The following MYOM2 variants were observed in gnomAD, a reference collection of about 807,000 sequenced individuals.
The protein encoded by MYOM2 is myomesin 2.
MYOM2 carries 254 observed loss-of-function variants against 187.6 expected under a neutral mutation model. The observed-to-expected ratio is 1.35, with a 90% CI of 1.22 to 1.50. MYOM2 has a LOEUF of 1.50. Ranked by LOEUF, MYOM2 falls within the 40% of genes most tolerant of loss-of-function variation. The pLI is 0.00. For synonymous variants in MYOM2, 981 were observed against 753.8 expected (o/e 1.30, Z -4.94); for missense variants, 2,796 against 1,924.0 (o/e 1.45, Z -8.48).
At chr8:2,083,147 T>A (rs1350560161) in intron 13 of MYOM2, among the ~76,000 whole-genome samples, 1 of 152,234 alleles carries the variant, frequency 6.6e-6, no homozygotes, top group East Asian at 1.9e-4. Context: ...ATATTAATAA[T>A]GCATATAACA....
At chr8:2,122,318 T>C (rs1585944120) in intron 28 of MYOM2, among the ~76,000 whole-genome samples, 1 of 152,184 alleles carries the variant, frequency 6.6e-6, no homozygotes, top group Non-Finnish European at 1.5e-5. Context: ...ATACCTTCCA[T>C]CTATGTATTC....
chr8:2,073,330 CT>C lies in MYOM2; in HGVS notation c.959-8del. ...TGGATGCAAACCTTCCGTGTTAACGCTCTTTCAGACGTGCTGTTGAAAGAGT... is the reference window on the plus strand; with the variant it reads ...TGGATGCAAACCTTCCGTGTTAACGCCTTTCAGACGTGCTGTTGAAAGAGT... On this transcript the variant is annotated splice_region_variant and splice_polypyrimidine_tract_variant and intron_variant, in intron 9 of 36. Coordinates refer to ENST00000262113, the MANE Select transcript of MYOM2 (RefSeq NM_003970.4). 1 of 1,598,336 alleles carries C rather than the reference CT, an allele frequency of 6.3e-7. No homozygotes were observed. The highest frequency in any genetic ancestry group is 8.5e-7 in the Non-Finnish European group (1 of 1,170,454).
intron 32 of MYOM2, among the ~76,000 whole-genome samples, chr8:2,135,017 C>T (rs1798019543): frequency 2.6e-5 from 4 of 152,306 alleles, no homozygotes; most frequent in Admixed American, 2.0e-4. Flanking sequence ...TCCACTTCTG[C>T]ATCTCACCGT....
At chr8:2,068,376 G>T (rs1269831778) in intron 6 of MYOM2, among the ~76,000 whole-genome samples, 1 of 149,150 alleles carries the variant, frequency 6.7e-6, no homozygotes, top group Non-Finnish European at 1.5e-5. Context: ...CAGGCGGAGA[G>T]CATCCTGGGG....
At chr8:2,071,393 T>C (rs1307294364) in intron 8 of MYOM2, among the ~76,000 whole-genome samples, 1 of 152,184 alleles carries the variant, frequency 6.6e-6, no homozygotes, top group Non-Finnish European at 1.5e-5. Context: ...TCCTGACATG[T>C]ATGTACTTCT....
chr8:2,137,077 A>G (rs1798102703), intron 32 of MYOM2, among the ~76,000 whole-genome samples: 1 of 151,494 alleles, frequency 6.6e-6, no homozygotes, highest in Non-Finnish European at 1.5e-5. Context: ...TTTCTCACAC[A>G]CACACATATA....
chr8:2,127,997 T>C (rs2116876419), intron 31 of MYOM2: 1 of 152,382 alleles, frequency 6.6e-6, no homozygotes, highest in Non-Finnish European at 1.5e-5. Context: ...GAGTCACAAA[T>C]ACCGTTCATG....
intron 10 of MYOM2, among the ~76,000 whole-genome samples, chr8:2,074,937 G>T (rs1254082913): frequency 2.0e-5 from 3 of 152,184 alleles, no homozygotes; most frequent in Non-Finnish European, 4.4e-5. Context: ...CCGGGCTCCC[G>T]GCTCCATCCC....
At chr8:2,137,511 C>T (rs148595674) in intron 32 of MYOM2, among the ~76,000 whole-genome samples, 519 of 151,988 alleles carry the variant, frequency 3.4e-3, no homozygotes, top group South Asian at 5.8e-3. Flanking sequence ...AATCCTGTCC[C>T]ACGGGTCTGT....
intron 14 of MYOM2, among the ~76,000 whole-genome samples, chr8:2,089,014 C>T (rs1380866028): frequency 3.9e-5 from 6 of 152,164 alleles, no homozygotes; most frequent in Non-Finnish European, 5.9e-5. Flanking sequence ...CCACCACAAA[C>T]GCCCGGGGCA....
intron 1 of MYOM2, among the ~76,000 whole-genome samples, chr8:2,048,794 TTA>T (rs1321690497): frequency 2.8e-4 from 10 of 36,296 alleles, no homozygotes; most frequent in East Asian, 3.2e-3. Context: ...TATTTTTATT[TTA>T]TTTTTTTTTT....
At chr8:2,098,755 T>A (rs1171390190) in intron 18 of MYOM2, 102 bp from the exon 19 acceptor site, 11 of 1,285,054 alleles carry the variant, frequency 8.6e-6, no homozygotes, top group Non-Finnish European at 1.2e-5. Flanking sequence ...GGTTCCTTCC[T>A]CTCATATTTT....
intron 13 of MYOM2, chr8:2,084,964 T>C: frequency 2.8e-6 from 1 of 360,720 alleles, no homozygotes; most frequent in Non-Finnish European, 5.0e-6. Context: ...GTGCAATGCC[T>C]GGTTTCTTCT....
chr8:2,088,386 A>C (rs1014119367), intron 14 of MYOM2, among the ~76,000 whole-genome samples: 2 of 152,258 alleles, frequency 1.3e-5, no homozygotes, highest in Admixed American at 6.5e-5. Flanking sequence ...CTCGTCACCC[A>C]GGTAGTGAGC....
chr8:2,137,454 G>T (rs1429909649), intron 32 of MYOM2, among the ~76,000 whole-genome samples: 1 of 152,038 alleles, frequency 6.6e-6, no homozygotes, highest in African/African-American at 2.4e-5. Flanking sequence ...GCAGGGTGGG[G>T]CCAGGCAGGA....
chr8:2,112,133 A>G lies in MYOM2; in HGVS notation c.3180+2602A>G, dbSNP rs75698903. ...CTACCCTGTACATCACCTGTTGAAT[A>G]TCCACTTGGCCAATACACCAGCAGG... On this transcript the variant is annotated intron_variant, in intron 25 of 36. Coordinates refer to ENST00000262113, the MANE Select transcript of MYOM2 (RefSeq NM_003970.4). 4.2e-3 allele frequency among the ~76,000 whole-genome samples: 636 copies of G among 152,278 alleles called. 5 individuals are homozygous for G. The highest frequency in any genetic ancestry group is 0.014 in the African/African-American group (598 of 41,542).
At position 2,076,379 on chromosome 8, in the gene MYOM2, TC is replaced by T. The variant is rs1202931095; in HGVS notation, c.1262+100del. On this transcript the variant is annotated intron_variant, in intron 11 of 36. Coordinates refer to ENST00000262113, the MANE Select transcript of MYOM2 (RefSeq NM_003970.4). ...AATTTTTCTCAATGCAGGTTGACGT[TC>T]CCATTTTTTGATTGGCTCTAGGTAC... The T allele has an allele frequency of 1.8e-4, 267 of 1,460,924 alleles. 2 individuals carry two copies. Among genetic ancestry groups the T allele is most frequent in the Admixed American group, 1.6e-3 (68 of 42,336 alleles). 90.5% of individuals were successfully genotyped at this position (1,460,924 alleles called of 1,614,324 possible).
chr8:2,144,761 T>A lies in MYOM2; in HGVS notation c.4178T>A (p.Val1393Glu), dbSNP rs764585393. 6.2e-7 allele frequency: 1 copy of A among 1,614,126 alleles called. No individual in the cohort carries two copies. Among genetic ancestry groups the A allele is most frequent in the Non-Finnish European group, 8.5e-7 (1 of 1,180,030 alleles). The change falls in exon 37 of 37, where the codon GTG (valine) becomes GAG (glutamate). Residue 1393 changes from valine (V) to glutamate (E), a missense_variant. By Grantham distance (121) the Val-to-Glu change is moderately radical (BLOSUM62 -2). Transcript: ENST00000262113. ...QDIQLSEHFS[V>E]KVEQAKYVSM... is the part of the protein sequence containing the mutation. ...ATCCAGCTCAGCGAGCACTTCTCGGTGAAGGTGGAGCAGGCCAAGTACGTC... is the reference window on the plus strand; with the variant it reads ...ATCCAGCTCAGCGAGCACTTCTCGGAGAAGGTGGAGCAGGCCAAGTACGTC...
At chr8:2,079,758 C>G in intron 13 of MYOM2, 145 bp downstream of exon 13, 1 of 861,032 alleles carries the variant, frequency 1.2e-6, no homozygotes, top group Non-Finnish European at 2.0e-6. Context: ...GCCTGCAAGC[C>G]CAGTGTCCAT....
Sources: gnomAD v4.1 joint callset for allele counts (sites outside exome capture counted in the v4.1 genomes callset) on GRCh38, gnomAD v4.1.1 for gene constraint, MANE v1.5 for transcripts, NCBI Gene and HGNC (gene_info 2026-07-23, HGNC 2026-07-21) for gene names.